Variants in GRHL2 observed in about 807,000 individuals in gnomAD.
GRHL2 encodes the protein grainyhead-like protein 2 homolog.
GRHL2 carries 21 observed loss-of-function variants against 83.8 expected under a neutral mutation model. That is an observed-to-expected ratio of 0.25 (90% confidence interval 0.18 to 0.36). The LOEUF (loss-of-function observed/expected upper bound fraction) is 0.36, where lower values mean the gene tolerates loss of function less well. Ranked by LOEUF, GRHL2 falls within the 10% of genes least tolerant of loss-of-function variation. The pLI, the probability that GRHL2 is intolerant of heterozygous loss-of-function variation, is 1.00. For synonymous variants in GRHL2, 280 were observed against 278.9 expected (o/e 1.00, Z -0.04); for missense variants, 623 against 781.8 (o/e 0.80, Z 2.42).
chr8:101,551,932 T>C (rs1324429445), intron 2 of GRHL2, among the ~76,000 whole-genome samples: 1 of 151,200 alleles, frequency 6.6e-6, no homozygotes, highest in Non-Finnish European at 1.5e-5. Context: ...GCCTCCCAGG[T>C]TCACGCCATT....
chr8:101,645,873 C>CT (rs1222883891), intron 13 of GRHL2, among the ~76,000 whole-genome samples: 6 of 152,158 alleles, frequency 3.9e-5, no homozygotes, highest in African/African-American at 1.4e-4. Flanking sequence ...ACAAAAATTT[C>CT]TTTAAAAAAA....
intron 10 of GRHL2, 51 bp downstream of exon 10, chr8:101,631,775 T>C (rs755043016): frequency 7.0e-7 from 1 of 1,438,550 alleles, no homozygotes; most frequent in Admixed American, 1.7e-5. Context: ...AGGTGGGCTG[T>C]GTCCACTGGG....
chr8:101,555,386 A>C (rs1490928626), intron 3 of GRHL2, among the ~76,000 whole-genome samples: 1 of 151,320 alleles, frequency 6.6e-6, no homozygotes. Context: ...GAATGCTGGA[A>C]CCTTTACTGG....
At chr8:101,523,511 G>C (rs1276735746) in intron 1 of GRHL2, among the ~76,000 whole-genome samples, 1 of 149,214 alleles carries the variant, frequency 6.7e-6, no homozygotes, top group East Asian at 2.0e-4. Context: ...GGGTCTCACT[G>C]TGTCACCCAG....
intron 12 of GRHL2, among the ~76,000 whole-genome samples, chr8:101,637,457 G>A (rs1454539920): frequency 2.6e-5 from 4 of 152,180 alleles, no homozygotes; most frequent in Admixed American, 6.5e-5. Flanking sequence ...TTCAATCGTA[G>A]GTAAGAGACA....
chr8:101,569,991 T>TA (rs1171210303), intron 4 of GRHL2, among the ~76,000 whole-genome samples: 1 of 152,216 alleles, frequency 6.6e-6, no homozygotes, highest in Non-Finnish European at 1.5e-5. Context: ...CGTGTTCTGT[T>TA]ACTTCAGAAT....
At chr8:101,561,279 G>A (rs983710660) in intron 4 of GRHL2, among the ~76,000 whole-genome samples, 4 of 151,952 alleles carry the variant, frequency 2.6e-5, no homozygotes, top group Non-Finnish European at 5.9e-5. Context: ...CTTTTAAAAG[G>A]CACTGGGATT....
At chr8:101,558,338 C>T in intron 3 of GRHL2, 81 bp from the exon 4 acceptor site, 2 of 1,491,916 alleles carry the variant, frequency 1.3e-6, no homozygotes, top group Non-Finnish European at 1.9e-6. Flanking sequence ...ATGATTATTG[C>T]CTGCATTGGT....
At chr8:101,535,851 T>A (rs1034027909) in intron 1 of GRHL2, among the ~76,000 whole-genome samples, 11 of 152,204 alleles carry the variant, frequency 7.2e-5, no homozygotes, top group African/African-American at 2.4e-4. Context: ...TCAGTGACAG[T>A]TTTCTTTGCA....
chr8:101,636,680 C>T, intron 11 of GRHL2: 4 of 562,166 alleles, frequency 7.1e-6, no homozygotes, highest in South Asian at 2.4e-5. Context: ...AGGAATTAAC[C>T]CCATGGAGAT....
At chr8:101,634,031 G>GTGTCATAAGCCCGGC (rs1480615882) in intron 11 of GRHL2, among the ~76,000 whole-genome samples, 3 of 152,136 alleles carry the variant, frequency 2.0e-5, no homozygotes. Flanking sequence ...CTGCCCCCGG[G>GTGTCATAAGCCCGGC]TGTCATAAGC....
chr8:101,540,295 C>T (rs1213267614), intron 1 of GRHL2, among the ~76,000 whole-genome samples: 2 of 152,184 alleles, frequency 1.3e-5, no homozygotes, highest in Non-Finnish European at 2.9e-5. Flanking sequence ...GAACGTTAGA[C>T]ATTACCCAGC....
intron 7 of GRHL2, among the ~76,000 whole-genome samples, chr8:101,585,121 C>T (rs1714768927): frequency 1.3e-5 from 2 of 152,192 alleles, no homozygotes; most frequent in Admixed American, 1.3e-4. Context: ...AATTTGTGGC[C>T]CAAACAGGCC....
chr8:101,652,275 AT>A (rs1295748790), intron 14 of GRHL2, among the ~76,000 whole-genome samples: 2 of 150,810 alleles, frequency 1.3e-5, no homozygotes, highest in African/African-American at 2.4e-5. Context: ...GACATATTAT[AT>A]ATCTATATTG....
intron 1 of GRHL2, among the ~76,000 whole-genome samples, chr8:101,493,690 G>A (rs1281688133): frequency 1.3e-5 from 2 of 152,106 alleles, no homozygotes. Context: ...CGTGGGGCGC[G>A]CCGAGCCTTC....
chr8:101,525,275 A>G (rs779086794), intron 1 of GRHL2, among the ~76,000 whole-genome samples: 1 of 151,794 alleles, frequency 6.6e-6, no homozygotes, highest in Non-Finnish European at 1.5e-5. Context: ...TTCTCTGGTT[A>G]TTTTCTAGAG....
chr8:101,524,168 T>C (rs1206350190), intron 1 of GRHL2, among the ~76,000 whole-genome samples: 1 of 152,216 alleles, frequency 6.6e-6, no homozygotes, highest in Non-Finnish European at 1.5e-5. Context: ...TGTTTTCAAA[T>C]ATTAGCATAA....
intron 7 of GRHL2, among the ~76,000 whole-genome samples, chr8:101,586,516 A>C (rs1812175425): frequency 6.6e-6 from 1 of 152,202 alleles, no homozygotes; most frequent in South Asian, 2.1e-4. Flanking sequence ...TCCCAGGTAG[A>C]GTCCACTGTT....
At chr8:101,560,508 T>C (rs893115862) in intron 4 of GRHL2, among the ~76,000 whole-genome samples, 5 of 152,214 alleles carry the variant, frequency 3.3e-5, no homozygotes, top group Non-Finnish European at 7.3e-5. Flanking sequence ...TGCTTTCATT[T>C]CTCTCGGGTA....
Sources: gnomAD v4.1 joint callset for allele counts (sites outside exome capture counted in the v4.1 genomes callset) on GRCh38, gnomAD v4.1.1 for gene constraint, MANE v1.5 for transcripts, NCBI Gene and HGNC (gene_info 2026-07-23, HGNC 2026-07-21) for gene names.